The following KCNIP4 variants were observed in gnomAD, a reference collection of about 807,000 sequenced individuals.
The protein encoded by KCNIP4 is potassium voltage-gated channel interacting protein 4, also known as Kv channel-interacting protein 4.
In KCNIP4, 12 loss-of-function variants were observed where a neutral mutation model predicts 34.0. The ratio of observed to expected loss-of-function variants is 0.35; its 90% CI spans 0.23 to 0.57. KCNIP4 has a LOEUF of 0.57. Ranked by LOEUF, KCNIP4 falls within the 20% of genes least tolerant of loss-of-function variation. KCNIP4 has a pLI of 0.83. For synonymous variants in KCNIP4, 124 were observed against 102.2 expected, an observed-to-expected ratio of 1.21 and a Z score of -1.29; for missense variants, 238 against 311.7, an observed-to-expected ratio of 0.76 and a Z score of 1.78.
chr4:20,841,934 C>T (rs568602908), intron 3 of KCNIP4, among the ~76,000 whole-genome samples: 6 of 152,036 alleles, frequency 3.9e-5, no homozygotes, highest in Non-Finnish European at 7.4e-5. Context: ...TGGCCGTGCC[C>T]TTCTTGACAT....
chr4:21,267,185 G>T (rs79494248), intron 1 of KCNIP4, among the ~76,000 whole-genome samples: 4,917 of 152,156 alleles, frequency 0.032, 297 homozygotes, highest in African/African-American at 0.11. Context: ...GTTAAAATTT[G>T]TCCAGCTAGA....
chr4:20,946,682 C>A (rs953771578), intron 1 of KCNIP4, among the ~76,000 whole-genome samples: 1 of 152,160 alleles, frequency 6.6e-6, no homozygotes, highest in African/African-American at 2.4e-5. Flanking sequence ...AGGTTTTTAT[C>A]AAATTCTTAT....
rs78963287 is a variant in KCNIP4 at position 20,845,186 on chromosome 4, C to T, written c.288+5357G>A. Among the ~76,000 whole-genome samples, 366 of 152,234 alleles carry T rather than the reference C, an allele frequency of 2.4e-3. 12 individuals are homozygous for T. In the East Asian group the frequency reaches 0.061, roughly 25 times the overall value. On this transcript the variant is annotated intron_variant, in intron 3 of 8. Transcript: ENST00000382152. The stretch of plus-strand genomic sequence containing the variant: ...GCACCATGGTCAAGCCATCATGACC[C>T]CTGTGACCCACATGTACACATCCAG...
At chr4:21,389,386 T>C (rs1036843859) in intron 1 of KCNIP4, among the ~76,000 whole-genome samples, 8 of 151,788 alleles carry the variant, frequency 5.3e-5, no homozygotes, top group African/African-American at 1.5e-4. Context: ...ATGTGCCATA[T>C]TGGTGTGCTG....
intron 1 of KCNIP4, among the ~76,000 whole-genome samples, chr4:21,151,406 AT>A (rs35983306): frequency 9.0e-4 from 46 of 51,306 alleles, no homozygotes; most frequent in East Asian, 3.5e-3. Flanking sequence ...ACAAAAGACA[AT>A]TTTTTTTTTT....
intron 1 of KCNIP4, among the ~76,000 whole-genome samples, chr4:21,604,551 G>A (rs1368884837): frequency 1.3e-5 from 2 of 151,952 alleles, no homozygotes; most frequent in East Asian, 1.9e-4. Flanking sequence ...AGCATAAATG[G>A]GACCTTGGCA....
Position 20,840,808 on chromosome 4 carries a change from G to A in KCNIP4, c.288+9735C>T, listed in dbSNP as rs546463404. Among the ~76,000 whole-genome samples, 9 of 152,272 alleles carry A rather than the reference G, an allele frequency of 5.9e-5. No homozygotes were observed. The South Asian group carries it at 1.9e-3, about 32-fold the overall frequency. On this transcript the variant is annotated intron_variant, in intron 3 of 8. Coordinates refer to ENST00000382152, the MANE Select transcript of KCNIP4 (RefSeq NM_025221.6). Reference sequence around the variant, plus strand: ...TTCTCTGTCTAATACATATGGTGACGTGCTGGATACCAACACCCCCATCTC... The same window carrying A: ...TTCTCTGTCTAATACATATGGTGACATGCTGGATACCAACACCCCCATCTC...
intron 1 of KCNIP4, among the ~76,000 whole-genome samples, chr4:21,173,459 C>T (rs979639037): frequency 2.0e-5 from 3 of 152,136 alleles, no homozygotes; most frequent in South Asian, 4.1e-4. Flanking sequence ...AATAGCAGAG[C>T]AGTTCAGGGG....
intron 1 of KCNIP4, among the ~76,000 whole-genome samples, chr4:21,695,221 G>A (rs1712179048): frequency 6.6e-6 from 1 of 151,996 alleles, no homozygotes; most frequent in Non-Finnish European, 1.5e-5. Context: ...TCTAGTAAAT[G>A]CATAAATTGG....
At chr4:20,883,788 T>C (rs890629689) in intron 1 of KCNIP4, among the ~76,000 whole-genome samples, 4 of 152,238 alleles carry the variant, frequency 2.6e-5, no homozygotes, top group Admixed American at 2.0e-4. Flanking sequence ...ACCAACAGTA[T>C]CCACTGGCTA....
chr4:21,869,620 T>A (rs1478351439), intron 1 of KCNIP4, among the ~76,000 whole-genome samples: 1 of 152,148 alleles, frequency 6.6e-6, no homozygotes, highest in African/African-American at 2.4e-5. Context: ...ACAATTCTTT[T>A]CGTTCTCTCT....
chr4:20,868,013 T>C (rs1363910707), intron 2 of KCNIP4, among the ~76,000 whole-genome samples: 1 of 102,578 alleles, frequency 9.7e-6, no homozygotes, highest in Non-Finnish European at 2.0e-5. Flanking sequence ...AAACTTAAAG[T>C]ATAATAATAA....
intron 1 of KCNIP4, among the ~76,000 whole-genome samples, chr4:21,595,630 C>T (rs1422611869): frequency 6.6e-6 from 1 of 152,084 alleles, no homozygotes; most frequent in Non-Finnish European, 1.5e-5. Context: ...ATTCCTATTT[C>T]TCCTCTTCTT....
intron 1 of KCNIP4, among the ~76,000 whole-genome samples, chr4:21,657,162 C>A (rs1192961669): frequency 1.3e-5 from 2 of 152,142 alleles, no homozygotes; most frequent in African/African-American, 2.4e-5. Context: ...TAAGAGAAAG[C>A]ACTATTGAGA....
chr4:21,084,979 T>C (rs1356143061), intron 1 of KCNIP4, among the ~76,000 whole-genome samples: 1 of 151,904 alleles, frequency 6.6e-6, no homozygotes, highest in African/African-American at 2.4e-5. Context: ...TACACTTATA[T>C]AATATCTATA....
At chr4:21,601,507 T>C (rs1008678393) in intron 1 of KCNIP4, among the ~76,000 whole-genome samples, 3 of 151,952 alleles carry the variant, frequency 2.0e-5, no homozygotes, top group African/African-American at 7.2e-5. Flanking sequence ...CCTTTCCCCT[T>C]TCTCTTCCCC....
chr4:21,168,311 A>T (rs1215123043), intron 1 of KCNIP4, among the ~76,000 whole-genome samples: 1 of 152,148 alleles, frequency 6.6e-6, no homozygotes, highest in Admixed American at 6.5e-5. Flanking sequence ...AGTGTCAGGG[A>T]ACCACAAGTT....
chr4:21,475,187 A>T (rs1021675772), intron 1 of KCNIP4, among the ~76,000 whole-genome samples: 1 of 152,180 alleles, frequency 6.6e-6, no homozygotes, highest in Non-Finnish European at 1.5e-5. Flanking sequence ...CTGTTAAAAG[A>T]CACACAGGAG....
At chr4:21,782,670 C>T (rs1719643439) in intron 1 of KCNIP4, among the ~76,000 whole-genome samples, 1 of 152,132 alleles carries the variant, frequency 6.6e-6, no homozygotes, top group Non-Finnish European at 1.5e-5. Flanking sequence ...TGCACTCCAG[C>T]CTGAGAGACA....
Sources: gnomAD v4.1 joint callset for allele counts (sites outside exome capture counted in the v4.1 genomes callset) on GRCh38, gnomAD v4.1.1 for gene constraint, MANE v1.5 for transcripts, NCBI Gene and HGNC (gene_info 2026-07-23, HGNC 2026-07-21) for gene names.